Variants in ARHGAP15 observed in about 807,000 individuals in gnomAD.
ARHGAP15 encodes Rho GTPase activating protein 15.
A neutral mutation model predicts 63.7 loss-of-function variants in ARHGAP15; 51 were observed. The ratio of observed to expected loss-of-function variants is 0.80; its 90% CI spans 0.64 to 1.01. The LOEUF (loss-of-function observed/expected upper bound fraction) is 1.01, where lower values mean the gene tolerates loss of function less well. Ranked by LOEUF, ARHGAP15 falls within the 50% of genes least tolerant of loss-of-function variation. The probability of loss-of-function intolerance (pLI) is 0.00; values close to 1 mark genes in which losing one functional copy is unlikely to be tolerated. For missense variants in ARHGAP15, 560 were observed against 564.6 expected, an observed-to-expected ratio of 0.99 and a Z score of 0.08; for synonymous variants, 191 against 193.8, an observed-to-expected ratio of 0.99 and a Z score of 0.12.
At chr2:143,348,948 T>C (rs1265146954) in intron 6 of ARHGAP15, among the ~76,000 whole-genome samples, 1 of 152,172 alleles carries the variant, frequency 6.6e-6, no homozygotes, top group Non-Finnish European at 1.5e-5. Flanking sequence ...CTGATTATGA[T>C]GTTTATGTGG....
At chr2:143,661,902 C>A (rs1342242368) in intron 12 of ARHGAP15, among the ~76,000 whole-genome samples, 3 of 152,248 alleles carry the variant, frequency 2.0e-5, no homozygotes, top group African/African-American at 7.2e-5. Flanking sequence ...TATCCCGCAC[C>A]TGGCTCGGAG....
chr2:143,611,054 C>T (rs562390339), intron 11 of ARHGAP15, among the ~76,000 whole-genome samples: 1 of 152,246 alleles, frequency 6.6e-6, no homozygotes, highest in South Asian at 2.1e-4. Flanking sequence ...AAGACTAACA[C>T]TACTCCTCTA....
intron 11 of ARHGAP15, among the ~76,000 whole-genome samples, chr2:143,569,573 C>T (rs138220420): frequency 5.9e-5 from 9 of 152,266 alleles, no homozygotes; most frequent in Non-Finnish European, 1.2e-4. Context: ...TCAGGACACA[C>T]AGAAGGCCAG....
chr2:143,704,859 C>T (rs1200925205), intron 13 of ARHGAP15, among the ~76,000 whole-genome samples: 1 of 152,116 alleles, frequency 6.6e-6, no homozygotes, highest in Non-Finnish European at 1.5e-5. Context: ...GTAATACATG[C>T]AATTGCACCC....
chr2:143,714,656 G>A (rs541388108), intron 13 of ARHGAP15, among the ~76,000 whole-genome samples: 19 of 152,184 alleles, frequency 1.2e-4, no homozygotes, highest in Non-Finnish European at 2.4e-4. Context: ...ATGCTTTGCT[G>A]CTTAAGAATT....
intron 13 of ARHGAP15, among the ~76,000 whole-genome samples, chr2:143,738,110 A>C (rs1239265481): frequency 6.6e-6 from 1 of 151,788 alleles, no homozygotes; most frequent in Non-Finnish European, 1.5e-5. Context: ...ATATTTTTTA[A>C]CTTGGGCTTT....
intron 5 of ARHGAP15, 74 bp from the exon 6 acceptor site, chr2:143,250,437 A>G (rs1319239693): frequency 3.4e-6 from 4 of 1,185,534 alleles, no homozygotes; most frequent in East Asian, 2.5e-5. Context: ...TGCTAACTCA[A>G]TAAACTCCTA....
At chr2:143,589,063 C>T (rs1185657019) in intron 11 of ARHGAP15, among the ~76,000 whole-genome samples, 2 of 152,068 alleles carry the variant, frequency 1.3e-5, no homozygotes, top group Non-Finnish European at 2.9e-5. Context: ...TCTTGCCTAC[C>T]CACTACTCCC....
At chr2:143,587,015 C>G (rs1007505168) in intron 11 of ARHGAP15, among the ~76,000 whole-genome samples, 12 of 152,024 alleles carry the variant, frequency 7.9e-5, no homozygotes, top group Non-Finnish European at 1.5e-4. Flanking sequence ...ATGCAACTTC[C>G]TCTTTGGCAC....
intron 6 of ARHGAP15, among the ~76,000 whole-genome samples, chr2:143,329,467 T>A (rs1282117879): frequency 6.6e-6 from 1 of 151,930 alleles, no homozygotes; most frequent in African/African-American, 2.4e-5. Context: ...AGGAGGTGAA[T>A]TCTGCCAAGA....
chr2:143,362,434 G>A (rs546388341), intron 6 of ARHGAP15, among the ~76,000 whole-genome samples: 78 of 152,224 alleles, frequency 5.1e-4, no homozygotes, highest in African/African-American at 1.2e-3. Flanking sequence ...GGAATTCTGC[G>A]TCCTCCTCTT....
chr2:143,138,661 C>G (rs79803163), intron 1 of ARHGAP15, among the ~76,000 whole-genome samples: 3 of 151,920 alleles, frequency 2.0e-5, no homozygotes, highest in Admixed American at 6.6e-5. Context: ...TCTATGTCTC[C>G]CCCTGGCTCT....
At chr2:143,656,330 G>A (rs1042510362) in intron 12 of ARHGAP15, among the ~76,000 whole-genome samples, 1 of 152,176 alleles carries the variant, frequency 6.6e-6, no homozygotes, top group Non-Finnish European at 1.5e-5. Context: ...CAAAAGTGAT[G>A]CTCCCGGTTT....
intron 13 of ARHGAP15, among the ~76,000 whole-genome samples, chr2:143,704,159 A>G (rs1388316330): frequency 6.6e-6 from 1 of 152,226 alleles, no homozygotes; most frequent in Non-Finnish European, 1.5e-5. Flanking sequence ...CACTAGCATC[A>G]GATCACATAG....
At chr2:143,500,049 T>C (rs989259312) in intron 9 of ARHGAP15, among the ~76,000 whole-genome samples, 1 of 151,922 alleles carries the variant, frequency 6.6e-6, no homozygotes, top group Non-Finnish European at 1.5e-5. Context: ...AATAATTAAG[T>C]GAAATGTAAA....
intron 1 of ARHGAP15, among the ~76,000 whole-genome samples, chr2:143,135,171 T>C (rs929452842): frequency 2.0e-5 from 3 of 152,134 alleles, no homozygotes; most frequent in Admixed American, 6.5e-5. Context: ...ATAAGTAAGA[T>C]TCAGTGAGGA....
At chr2:143,426,701 C>T (rs549725106) in intron 6 of ARHGAP15, among the ~76,000 whole-genome samples, 72 of 152,264 alleles carry the variant, frequency 4.7e-4, no homozygotes, top group Non-Finnish European at 7.8e-4. Flanking sequence ...AAGAGACCAA[C>T]TTTGGGTAGC....
chr2:143,427,635 G>A (rs1037091028), intron 6 of ARHGAP15, among the ~76,000 whole-genome samples: 4 of 151,960 alleles, frequency 2.6e-5, no homozygotes, highest in Non-Finnish European at 5.9e-5. Context: ...TTAGAGATAT[G>A]CATTGAAATA....
At chr2:143,759,936 G>A (rs185850919) in intron 13 of ARHGAP15, among the ~76,000 whole-genome samples, 48 of 152,258 alleles carry the variant, frequency 3.2e-4, no homozygotes, top group Admixed American at 2.8e-3. Flanking sequence ...GTTCCCTAGG[G>A]TCAGTGGAAG....
Sources: allele counts gnomAD v4.1 joint callset (sites outside exome capture counted in the v4.1 genomes callset), GRCh38; gene constraint gnomAD v4.1.1; transcripts MANE v1.5; gene names NCBI Gene and HGNC (gene_info 2026-07-23, HGNC 2026-07-21).